FOXP1: variants seen among roughly 807,000 people sequenced by gnomAD.
FOXP1 encodes the protein forkhead box protein P1.
A neutral mutation model predicts 98.2 loss-of-function variants in FOXP1; 15 were observed. That is an observed-to-expected ratio of 0.15 (90% CI 0.10 to 0.24). The LOEUF is 0.24. FOXP1 is among the 10% of genes least tolerant of loss of function. The pLI is 1.00. For missense variants in FOXP1, 633 were observed against 848.5 expected, an observed-to-expected ratio of 0.75 and a Z score of 3.15; for synonymous variants, 371 against 314.5, an observed-to-expected ratio of 1.18 and a Z score of -1.90.
At chr3:71,280,122 CAAACA>C (rs1358714018) in intron 5 of FOXP1, among the ~76,000 whole-genome samples, 738 of 25,986 alleles carry the variant, frequency 0.028, 6 homozygotes, top group African/African-American at 0.11. Context: ...GACTCTGTCT[CAAACA>C]AAAAAAAAAA....
At chr3:71,274,360 C>A (rs1179731917) in intron 5 of FOXP1, among the ~76,000 whole-genome samples, 1 of 152,160 alleles carries the variant, frequency 6.6e-6, no homozygotes, top group Non-Finnish European at 1.5e-5. Flanking sequence ...CCCAAGGCTA[C>A]CCCTGAAGAG....
chr3:70,967,455 A>ATAAC (rs1232093557), intron 19 of FOXP1, among the ~76,000 whole-genome samples: 2 of 152,140 alleles, frequency 1.3e-5, no homozygotes, highest in Non-Finnish European at 2.9e-5. Context: ...GTAAATGTGT[A>ATAAC]TAACTGCCTT....
At chr3:70,985,289 C>G (rs1349827253) in intron 14 of FOXP1, among the ~76,000 whole-genome samples, 1 of 152,188 alleles carries the variant, frequency 6.6e-6, no homozygotes, top group Admixed American at 6.5e-5. Flanking sequence ...TAATTACAGA[C>G]TGCAGGGAAT....
At chr3:71,232,877 C>CAAAAAAAAAAA (rs59404230) in intron 5 of FOXP1, among the ~76,000 whole-genome samples, 4,438 of 31,064 alleles carry the variant, frequency 0.14, 997 homozygotes, top group Non-Finnish European at 0.17. Flanking sequence ...AACTCTGTCT[C>CAAAAAAAAAAA]AAAAAAAAAA....
intron 2 of FOXP1, among the ~76,000 whole-genome samples, chr3:71,508,756 CAAGGGCTT>C (rs1401456683): frequency 6.6e-6 from 1 of 152,186 alleles, no homozygotes; most frequent in African/African-American, 2.4e-5. Context: ...CCCAACCTCC[CAAGGGCTT>C]AGGGCTGTCA....
At chr3:71,251,534 A>G (rs1421633792) in intron 5 of FOXP1, among the ~76,000 whole-genome samples, 1 of 152,230 alleles carries the variant, frequency 6.6e-6, no homozygotes, top group Non-Finnish European at 1.5e-5. Context: ...ATACAGAACC[A>G]AAGACCATTT....
intron 2 of FOXP1, among the ~76,000 whole-genome samples, chr3:71,510,982 G>T (rs2042166019): frequency 6.6e-6 from 1 of 152,098 alleles, no homozygotes; most frequent in Non-Finnish European, 1.5e-5. Flanking sequence ...ATTATGTAAG[G>T]CAGTGAAATA....
At chr3:71,080,529 G>A (rs945951018) in intron 7 of FOXP1, among the ~76,000 whole-genome samples, 5 of 152,278 alleles carry the variant, frequency 3.3e-5, no homozygotes, top group Admixed American at 1.3e-4. Flanking sequence ...TAACTTTGTC[G>A]CATTATTACA....
chr3:71,488,353 A>T (rs1451070463), intron 3 of FOXP1, among the ~76,000 whole-genome samples: 1 of 152,196 alleles, frequency 6.6e-6, no homozygotes, highest in African/African-American at 2.4e-5. Context: ...TGTCTGAAGA[A>T]CTTAAAAGTA....
intron 5 of FOXP1, among the ~76,000 whole-genome samples, chr3:71,247,488 TC>T (rs1340038216): frequency 6.6e-6 from 1 of 152,136 alleles, no homozygotes; most frequent in African/African-American, 2.4e-5. Context: ...GACCGGGGTA[TC>T]ATGACTGCAG....
chr3:71,093,273 GAAA>G (rs34159878), intron 7 of FOXP1, among the ~76,000 whole-genome samples: 3 of 133,550 alleles, frequency 2.2e-5, no homozygotes, highest in Non-Finnish European at 4.7e-5. Context: ...AAATAAAAAT[GAAA>G]AAAAAAAAAA....
At chr3:71,516,567 C>T (rs1401817114) in intron 2 of FOXP1, among the ~76,000 whole-genome samples, 2 of 152,012 alleles carry the variant, frequency 1.3e-5, no homozygotes, top group East Asian at 1.9e-4. Context: ...TGCTGTAGGC[C>T]GGGTGTGGTG....
chr3:71,572,128 T>G (rs948191821), intron 2 of FOXP1: 3 of 152,360 alleles, frequency 2.0e-5, no homozygotes, highest in African/African-American at 7.2e-5. Context: ...CATATGTAAC[T>G]GCTAAGTTCC....
intron 12 of FOXP1, among the ~76,000 whole-genome samples, chr3:71,001,509 G>A (rs572249374): frequency 4.6e-5 from 7 of 152,094 alleles, no homozygotes; most frequent in Non-Finnish European, 7.3e-5. Context: ...GTGAATGTCA[G>A]AAATGGCAAA....
intron 6 of FOXP1, among the ~76,000 whole-genome samples, chr3:71,138,341 T>C (rs989360780): frequency 1.3e-5 from 2 of 152,188 alleles, no homozygotes; most frequent in Non-Finnish European, 2.9e-5. Flanking sequence ...TAATACATCA[T>C]TATCAAAAAT....
intron 4 of FOXP1, among the ~76,000 whole-genome samples, chr3:71,325,718 G>A (rs1260783492): frequency 6.6e-6 from 1 of 151,588 alleles, no homozygotes; most frequent in African/African-American, 2.4e-5. Flanking sequence ...ATGTTGTCCA[G>A]GCTGAAGTGC....
Position 71,506,308 on chromosome 3 carries a change from C to T in FOXP1, c.-297-12753G>A, listed in dbSNP as rs1414311850. 3.9e-5 allele frequency among the ~76,000 whole-genome samples: 6 copies of T among 152,154 alleles called. No individual in the cohort carries two copies. The South Asian group carries it at 1.0e-3, about 26-fold the overall frequency. ...CAGCTGCAAAACAGAGGTAATGATA[C>T]TTCCTACATCATGGAGTGGTTTGAA... On this transcript the variant is annotated intron_variant, in intron 2 of 20. Coordinates refer to ENST00000649528, the MANE Select transcript of FOXP1 (RefSeq NM_001349338.3).
intron 6 of FOXP1, among the ~76,000 whole-genome samples, chr3:71,138,082 G>C (rs914524277): frequency 6.6e-6 from 1 of 152,128 alleles, no homozygotes; most frequent in Non-Finnish European, 1.5e-5. Flanking sequence ...TATTGCCTGA[G>C]TGTTTGAGCA....
At chr3:71,389,719 CTATTTT>C (rs1402138937) in intron 3 of FOXP1, among the ~76,000 whole-genome samples, 12 of 152,172 alleles carry the variant, frequency 7.9e-5, no homozygotes, top group African/African-American at 2.9e-4. Flanking sequence ...AACAGAGGTT[CTATTTT>C]TAATCACTTT....
Sources: allele counts gnomAD v4.1 joint callset (sites outside exome capture counted in the v4.1 genomes callset), GRCh38; gene constraint gnomAD v4.1.1; transcripts MANE v1.5; gene names NCBI Gene and HGNC (gene_info 2026-07-23, HGNC 2026-07-21).